Variants in ATXN1L observed in about 807,000 individuals in gnomAD.
ATXN1L encodes ataxin 1 like, also known as ataxin-1-like.
A neutral mutation model predicts 43.4 loss-of-function variants in ATXN1L; 8 were observed. The ratio of observed to expected loss-of-function variants is 0.18; its 90% CI spans 0.11 to 0.33. The LOEUF (loss-of-function observed/expected upper bound fraction) is 0.33. Ranked by LOEUF, ATXN1L falls within the 10% of genes least tolerant of loss-of-function variation. The pLI is 1.00. For synonymous variants in ATXN1L, 379 were observed against 360.6 expected (o/e 1.05, Z -0.58); for missense variants, 856 against 885.4 (o/e 0.97, Z 0.42).
At chr16:71,849,420 C>T (rs1282172216) in intron 2 of ATXN1L, among the ~76,000 whole-genome samples, 1 of 152,010 alleles carries the variant, frequency 6.6e-6, no homozygotes, top group Non-Finnish European at 1.5e-5. Flanking sequence ...GCTCTTTGTG[C>T]CTTGTGATTT....
At position 71,851,655 on chromosome 16, in the gene ATXN1L, C is replaced by A; in HGVS notation, c.1915C>A (p.Gln639Lys). Residue 639 changes from glutamine to lysine, a missense_variant, in exon 3 of 3, where the codon CAG (glutamine) becomes AAG (lysine). Gln to Lys is a moderately conservative substitution (Grantham distance 53). Transcript: ENST00000427980. This position sits in a 1 kb window ranked among gnomAD's most constrained non-coding sequence, Gnocchi z 4.9. ...GEGSRVVEPS[Q>K]PESGAQACWP... ...GGGCTCCCGTGTGGTAGAGCCTTCC[C>A]AGCCTGAGTCCGGTGCTCAGGCCTG... is the stretch of plus-strand genomic sequence containing the variant. The A allele has an allele frequency of 1.3e-6, 2 of 1,520,374 alleles. No homozygotes were observed. Among genetic ancestry groups the A allele is most frequent in the Non-Finnish European group, 1.8e-6 (2 of 1,128,346 alleles). The allele number at this position is 1,520,374 out of a possible 1,614,324, so 94.2% of individuals were successfully genotyped here. A position where few individuals can be genotyped will look rare whatever the true frequency, so the allele number is the denominator to read the frequency against.
In ATXN1L at chr16:71,851,699, C is replaced by T; in HGVS notation, c.1959C>T (p.Phe653=). The change falls in exon 3 of 3, where the codon TTC becomes TTT. Residue 653 remains phenylalanine (F), a synonymous_variant. Transcript: ENST00000427980. The surrounding 1 kb of genome is among the most constrained non-coding windows in gnomAD (Gnocchi z 4.9). ...GAQACWPAPS[F]QRYSMQGEEA... Reference sequence around the variant, plus strand: ...AGGCCTGCTGGCCAGCCCCGAGCTTCCAAAGATACAGCATGCAAGGGGAGG... The same window carrying T: ...AGGCCTGCTGGCCAGCCCCGAGCTTTCAAAGATACAGCATGCAAGGGGAGG... 1 of 1,488,802 alleles carries T rather than the reference C, an allele frequency of 6.7e-7. No individual in the cohort carries two copies. The highest frequency in any genetic ancestry group is 9.0e-7 in the Non-Finnish European group (1 of 1,114,618). 92.2% of individuals were successfully genotyped at this position (1,488,802 alleles called of 1,614,324 possible).
chr16:71,848,939 G>A (rs1211630116), intron 2 of ATXN1L, among the ~76,000 whole-genome samples: 1 of 151,346 alleles, frequency 6.6e-6, no homozygotes, highest in Non-Finnish European at 1.5e-5. Context: ...AGGAGGCTGG[G>A]CGCTGTGGCT....
rs1173380298 is a variant in ATXN1L, at chr16:71,849,893, G to A, written c.153G>A (p.Val51=). Residue 51 remains valine, a synonymous_variant, in exon 3 of 3, where the codon GTG becomes GTA. Coordinates refer to ENST00000427980, the MANE Select transcript of ATXN1L (RefSeq NM_001137675.4). ...DASEWSRGVV[V]AGQSQAGARV... ...CTGAATGGTCCCGAGGGGTTGTGGT[G>A]GCTGGGCAGAGCCAGGCAGGAGCCA... 1.6e-5 allele frequency: 25 copies of A among 1,551,244 alleles called. No homozygotes were observed. The highest frequency in any genetic ancestry group is 2.1e-5 in the Non-Finnish European group (24 of 1,146,708).
Position 71,850,023 on chromosome 16 carries a change from A to G in ATXN1L, c.283A>G (p.Thr95Ala), listed in dbSNP as rs1001564680. 10 of 1,551,626 alleles carry G rather than the reference A, an allele frequency of 6.4e-6. No homozygotes were observed. The highest frequency in any genetic ancestry group is 8.7e-6 in the Non-Finnish European group (10 of 1,146,976). Reference protein sequence around the residue: ...VAVPPATFSPTGLPSVVNMSP... With the variant: ...VAVPPATFSPAGLPSVVNMSP... ...TGTGCCGCCTGCCACCTTTTCACCAACTGGACTCCCATCTGTGGTGAATAT... is the reference window on the plus strand; with the variant it reads ...TGTGCCGCCTGCCACCTTTTCACCAGCTGGACTCCCATCTGTGGTGAATAT... The change falls in exon 3 of 3, where the codon ACT (threonine) becomes GCT (alanine). Residue 95 changes from threonine to alanine, a missense_variant. By Grantham distance (58) the Thr-to-Ala change is moderately conservative. Coordinates refer to ENST00000427980, the MANE Select transcript of ATXN1L (RefSeq NM_001137675.4).
chr16:71,846,320 C>T (rs886901923), intron 1 of ATXN1L, among the ~76,000 whole-genome samples: 5 of 152,326 alleles, frequency 3.3e-5, no homozygotes, highest in Admixed American at 6.5e-5. Context: ...GGCTGTGTGC[C>T]TGCGAGCCAA....
rs755309676 is a variant in ATXN1L, at chr16:71,851,128, C to G, written c.1388C>G (p.Ser463Cys). 2.6e-6 allele frequency: 4 copies of G among 1,551,704 alleles called. No homozygotes were observed. The South Asian group carries it at 3.6e-5, about 14-fold the overall frequency. Residue 463 changes from serine to cysteine, a missense_variant, in exon 3 of 3, where the codon TCT becomes TGT. Physicochemically the swap from Ser to Cys is moderately radical, Grantham distance 112 (BLOSUM62 -1). Coordinates refer to ENST00000427980, the MANE Select transcript of ATXN1L (RefSeq NM_001137675.4). This position sits in a 1 kb window ranked among gnomAD's most constrained non-coding sequence, Gnocchi z 4.9. ...KEPTPPPITSSHLPSHFMKGA... is the reference protein window; with the variant it reads ...KEPTPPPITSCHLPSHFMKGA... ...CCAACGCCGCCCCCCATTACCTCCT[C>G]TCACTTGCCTTCCCATTTCATGAAA...
intron 2 of ATXN1L, among the ~76,000 whole-genome samples, chr16:71,848,730 G>A (rs1399975484): frequency 6.6e-6 from 1 of 151,832 alleles, no homozygotes; most frequent in Non-Finnish European, 1.5e-5. Context: ...GAGGGTTTTG[G>A]CACCTAGGTC....
Position 71,850,497 on chromosome 16 carries a change from G to A in ATXN1L, c.757G>A (p.Val253Ile), listed in dbSNP as rs780571858. 2 of 1,551,616 alleles carry A rather than the reference G, an allele frequency of 1.3e-6. No homozygotes were observed. The highest frequency in any genetic ancestry group is 1.4e-5 in the African/African-American group (1 of 73,058). The change falls in exon 3 of 3, where the codon GTT (valine) becomes ATT (isoleucine). Residue 253 changes from valine to isoleucine, a missense_variant. By Grantham distance (29) the Val-to-Ile change is conservative. This residue lies in a region of ATXN1L where 490 missense variants were observed against 449.4 expected (regional missense o/e 1.09). Coordinates refer to ENST00000427980, the MANE Select transcript of ATXN1L (RefSeq NM_001137675.4). Reference protein sequence around the residue: ...HETPPAGASPVLTPQESQSAL... With the variant: ...HETPPAGASPILTPQESQSAL... ...AACCCCTCCAGCAGGTGCCAGCCCA[G>A]TTCTTACCCCTCAGGAGAGCCAGTC...
rs752710493 is a variant in ATXN1L, at chr16:71,852,744, C to G, written c.*934C>G. 11 of 167,146 alleles carry G rather than the reference C, an allele frequency of 6.6e-5. No homozygotes were observed. The highest frequency in any genetic ancestry group is 1.5e-4 in the Non-Finnish European group (10 of 68,208). The allele number at this position is 167,146 out of a possible 1,614,324, so 10.4% of individuals were successfully genotyped here. ...CCCCCACCTTTGTCTGTGTTGTGCC[C>G]AAGTGCCTGCGCCACCCCCACCCTC... On this transcript the variant is annotated 3_prime_UTR_variant, in exon 3 of 3. Transcript: ENST00000427980.
rs1467149767 is a variant in ATXN1L at position 71,849,720 on chromosome 16, C to T, written c.-21C>T. 19 of 1,473,676 alleles carry T rather than the reference C, an allele frequency of 1.3e-5. No individual in the cohort carries two copies. The South Asian group carries it at 2.4e-4, about 19-fold the overall frequency. 91.3% of individuals were successfully genotyped at this position (1,473,676 alleles called of 1,614,324 possible). A position where few individuals can be genotyped will look rare whatever the true frequency, so the allele number is the denominator to read the frequency against. ...GGAGCAAGTCGACTCCTTCCAGGCT[C>T]CAGGAACACCACAAAGCAATATGAA... On this transcript the variant is annotated 5_prime_UTR_variant, in exon 3 of 3. Transcript: ENST00000427980.
intron 2 of ATXN1L, 101 bp from the exon 3 acceptor site, chr16:71,849,523 C>T (rs1041027559): frequency 7.0e-6 from 3 of 428,956 alleles, no homozygotes; most frequent in Non-Finnish European, 1.2e-5. Context: ...TCTAACAGTC[C>T]CCTTTGTTAC....
In ATXN1L at chr16:71,851,237, G is replaced by T; in HGVS notation, c.1497G>T (p.Val499=). Residue 499 remains valine, a synonymous_variant, in exon 3 of 3, where the codon GTG becomes GTT. Coordinates refer to ENST00000427980, the MANE Select transcript of ATXN1L (RefSeq NM_001137675.4). The surrounding 1 kb of genome is among the most constrained non-coding windows in gnomAD (Gnocchi z 4.9). ...QTQDFVRSAE[V]SGGLKIDSST... ...AGGATTTTGTGCGCAGTGCCGAAGT[G>T]AGCGGGGGGCTGAAGATTGACTCTA... The T allele has an allele frequency of 1.3e-6, 2 of 1,551,718 alleles. No individual in the cohort carries two copies. The highest frequency in any genetic ancestry group is 1.7e-6 in the Non-Finnish European group (2 of 1,147,002).
rs2033555373 is a variant in ATXN1L at position 71,856,693 on chromosome 16, T to A, written c.*4883T>A. 1 of 167,078 alleles carries A rather than the reference T, an allele frequency of 6.0e-6. No individual in the cohort carries two copies. The allele number at this position is 167,078 out of a possible 1,614,324, so 10.3% of individuals were successfully genotyped here. A position where few individuals can be genotyped will look rare whatever the true frequency, so the allele number is the denominator to read the frequency against. On this transcript the variant is annotated 3_prime_UTR_variant, in exon 3 of 3. Coordinates refer to ENST00000427980, the MANE Select transcript of ATXN1L (RefSeq NM_001137675.4). ...CTACAACCTTCTTAGTCACACAGGA[T>A]CCCTGTAGCCAAAACAGTATATGAT... is the stretch of plus-strand genomic sequence containing the variant.
rs1303177459 is a variant in ATXN1L at position 71,850,845 on chromosome 16, A to T, written c.1105A>T (p.Thr369Ser). The T allele has an allele frequency of 1.3e-6, 2 of 1,551,300 alleles. No individual in the cohort carries two copies. The highest frequency in any genetic ancestry group is 3.9e-5 in the Admixed American group (2 of 50,960). The change falls in exon 3 of 3, where the codon ACC (threonine) becomes TCC (serine). Residue 369 changes from threonine (T) to serine (S), a missense_variant. Physicochemically the swap from Thr to Ser is moderately conservative, Grantham distance 58 (BLOSUM62 1). This residue lies in a region of ATXN1L where 490 missense variants were observed against 449.4 expected (regional missense o/e 1.09). Transcript: ENST00000427980. ...EPSPLNLSHH[T>S]PDHQGEGRGS... ...CAGCCCCCTCAACCTATCCCATCAT[A>T]CCCCCGACCATCAGGGTGAGGGGCG...
In ATXN1L at chr16:71,849,691, C is replaced by T. The variant is rs778674246; in HGVS notation, c.-50C>T. The stretch of plus-strand genomic sequence containing the variant: ...CTACAGAGAAGCCCCTTCTGATGCC[C>T]CAGGGAGCAAGTCGACTCCTTCCAG... On this transcript the variant is annotated 5_prime_UTR_variant, in exon 3 of 3. Transcript: ENST00000427980. The T allele has an allele frequency of 2.4e-5, 35 of 1,456,432 alleles. No individual in the cohort carries two copies. The highest frequency in any genetic ancestry group is 9.1e-6 in the Non-Finnish European group (10 of 1,101,452). The allele number at this position is 1,456,432 out of a possible 1,614,324, so 90.2% of individuals were successfully genotyped here.
Position 71,851,131 on chromosome 16 carries a change from A to G in ATXN1L, c.1391A>G (p.His464Arg), listed in dbSNP as rs1010206057. 6.4e-7 allele frequency: 1 copy of G among 1,551,316 alleles called. No individual in the cohort carries two copies. The highest frequency in any genetic ancestry group is 1.4e-5 in the African/African-American group (1 of 73,014). ...EPTPPPITSS[H>R]LPSHFMKGAI... ...ACGCCGCCCCCCATTACCTCCTCTC[A>G]CTTGCCTTCCCATTTCATGAAAGGC... The change falls in exon 3 of 3, where the codon CAC becomes CGC. Residue 464 changes from histidine (H) to arginine (R), a missense_variant. This residue lies in a region of ATXN1L where 490 missense variants were observed against 449.4 expected (regional missense o/e 1.09). Coordinates refer to ENST00000427980, the MANE Select transcript of ATXN1L (RefSeq NM_001137675.4). This position sits in a 1 kb window ranked among gnomAD's most constrained non-coding sequence, Gnocchi z 4.9.
intron 1 of ATXN1L, among the ~76,000 whole-genome samples, chr16:71,846,550 G>C (rs1010989833): frequency 2.0e-5 from 3 of 152,186 alleles, no homozygotes; most frequent in Non-Finnish European, 4.4e-5. Context: ...CGCACCTCTC[G>C]CCCGCAGAGA....
In ATXN1L at chr16:71,851,763, C is replaced by G; in HGVS notation, c.2023C>G (p.Gln675Glu). Residue 675 changes from glutamine (Q) to glutamate (E), a missense_variant, in exon 3 of 3, where the codon CAG (glutamine) becomes GAG (glutamate). This residue lies in a region of ATXN1L where 185 missense variants were observed against 176.8 expected (regional missense o/e 1.05). Coordinates refer to ENST00000427980, the MANE Select transcript of ATXN1L (RefSeq NM_001137675.4). This position sits in a 1 kb window ranked among gnomAD's most constrained non-coding sequence, Gnocchi z 4.9. ...GCTGCTCCGTCCCTCTTTCATTCCA[C>G]AGGAGGTAAAGCTGTCCATTGAAGG... The part of the protein sequence containing the change: ...AALLRPSFIP[Q>E]EVKLSIEGRS... The G allele has an allele frequency of 1.4e-6, 2 of 1,448,574 alleles. No individual in the cohort carries two copies. Among genetic ancestry groups the G allele is most frequent in the Non-Finnish European group, 9.1e-7 (1 of 1,096,432 alleles). 89.7% of individuals were successfully genotyped at this position (1,448,574 alleles called of 1,614,324 possible).
Sources: allele counts gnomAD v4.1 joint callset (sites outside exome capture counted in the v4.1 genomes callset), GRCh38; gene constraint gnomAD v4.1.1; regional missense constraint gnomAD v4.1.1; non-coding constraint Gnocchi (gnomAD v3.1); transcripts MANE v1.5; gene names NCBI Gene and HGNC (gene_info 2026-07-23, HGNC 2026-07-21).